The following PLCD1 variants were observed in gnomAD, a reference collection of about 807,000 sequenced individuals.
The protein encoded by PLCD1 is 1-phosphatidylinositol 4,5-bisphosphate phosphodiesterase delta-1.
Under a neutral mutation model 87.4 loss-of-function variants are expected in PLCD1, and 71 were observed. That is an observed-to-expected ratio of 0.81 (90% CI 0.67 to 0.99). The LOEUF (loss-of-function observed/expected upper bound fraction) is 0.99, where lower values mean the gene tolerates loss of function less well. Ranked by LOEUF, PLCD1 falls within the 50% of genes least tolerant of loss-of-function variation. The pLI is 0.00. For synonymous variants in PLCD1, 348 were observed against 399.2 expected (o/e 0.87, Z 1.53); for missense variants, 867 against 1,001.5 (o/e 0.87, Z 1.81).
intron 1 of PLCD1, among the ~76,000 whole-genome samples, chr3:38,022,179 C>T (rs1391733235): frequency 6.6e-6 from 1 of 152,240 alleles, no homozygotes; most frequent in African/African-American, 2.4e-5. Context: ...CAGGTCTGTC[C>T]ACCCACTTGA....
chr3:38,009,110 G>T lies in PLCD1; in HGVS notation c.1655C>A (p.Pro552Gln). The T allele has an allele frequency of 1.2e-6, 2 of 1,614,076 alleles. No homozygotes were observed. The highest frequency in any genetic ancestry group is 2.2e-5 in the South Asian group (2 of 91,060). ...GGAGGAGTCTGTTCTCCATCCAGCCGGGTAGATTCTGCTCAGGTGCCCCAC... is the reference window on the plus strand; with the variant it reads ...GGAGGAGTCTGTTCTCCATCCAGCCTGGTAGATTCTGCTCAGGTGCCCCAC... The part of the protein sequence containing the change: ...HNVGHLSRIY[P>Q]AGWRTDSSNY... Residue 552 changes from proline (P) to glutamine (Q), a missense_variant, in exon 11 of 15, where the codon CCG becomes CAG. Transcript: ENST00000334661.
chr3:38,007,973 G>A lies in PLCD1; in HGVS notation c.2185+41C>T, dbSNP rs771923129. 4 of 1,613,402 alleles carry A rather than the reference G, an allele frequency of 2.5e-6. No homozygotes were observed. In the East Asian group the frequency reaches 6.7e-5, roughly 27 times the overall value. ...CCCAGCCCAAGAGACGCCAGGCCCT[G>A]CTTCCCACCACCTTGGCCATCCCCT... On this transcript the variant is annotated intron_variant, in intron 14 of 14. Transcript: ENST00000334661.
chr3:38,020,303 G>A lies in PLCD1; in HGVS notation c.84C>T (p.Leu28=). 1 of 1,614,042 alleles carries A rather than the reference G, an allele frequency of 6.2e-7. No individual in the cohort carries two copies. The highest frequency in any genetic ancestry group is 8.5e-7 in the Non-Finnish European group (1 of 1,180,004). ...DLQALLKGSQ[L]LKVKSSSWRR... is the part of the protein sequence containing the mutation. ...TCCATGAGCTGGACTTCACCTTCAG[G>A]AGCTGGCTGCCCTTCAGCAGCGCCT... Residue 28 remains leucine (L), a synonymous_variant, in exon 2 of 15, where the codon CTC becomes CTT. Coordinates refer to ENST00000334661, the MANE Select transcript of PLCD1 (RefSeq NM_006225.4).
At chr3:38,015,148 A>G (rs544194919) in intron 3 of PLCD1, among the ~76,000 whole-genome samples, 2 of 152,386 alleles carry the variant, frequency 1.3e-5, no homozygotes, top group South Asian at 2.1e-4. Flanking sequence ...ACGAATGTTA[A>G]TATCAGCATT....
intron 1 of PLCD1, among the ~76,000 whole-genome samples, chr3:38,023,403 T>C (rs1334255913): frequency 1.3e-5 from 2 of 152,144 alleles, no homozygotes; most frequent in African/African-American, 2.4e-5. Flanking sequence ...ATGATGATGA[T>C]AGAGGCTCCC....
chr3:38,010,313 G>T (rs756091327), intron 6 of PLCD1, 38 bp from the exon 7 acceptor site: 1 of 1,614,154 alleles, frequency 6.2e-7, no homozygotes, highest in Admixed American at 1.7e-5. Flanking sequence ...TCCAGGTCCT[G>T]TCCCGGGTCC....
At chr3:38,026,857 A>T (rs187276436) in intron 1 of PLCD1, among the ~76,000 whole-genome samples, 320 of 152,376 alleles carry the variant, frequency 2.1e-3, no homozygotes, top group African/African-American at 7.4e-3. Context: ...TCAGACCCAC[A>T]GTAAGTAGAA....
intron 3 of PLCD1, among the ~76,000 whole-genome samples, chr3:38,014,370 G>A (rs1352497562): frequency 3.9e-5 from 6 of 152,080 alleles, no homozygotes; most frequent in African/African-American, 9.7e-5. Context: ...AGTGGTGCAA[G>A]GACAGACATA....
chr3:38,023,199 G>A (rs1194822107), intron 1 of PLCD1, among the ~76,000 whole-genome samples: 2 of 151,912 alleles, frequency 1.3e-5, no homozygotes, highest in Non-Finnish European at 2.9e-5. Flanking sequence ...GACCCACAGC[G>A]ATACACAGCT....
chr3:38,024,545 C>T, intron 1 of PLCD1: 2 of 1,511,988 alleles, frequency 1.3e-6, no homozygotes, highest in Non-Finnish European at 8.9e-7. Context: ...AACTGTCGCC[C>T]TTGGAGGGGA....
intron 3 of PLCD1, among the ~76,000 whole-genome samples, chr3:38,013,653 ATG>A (rs1700116262): frequency 6.6e-6 from 1 of 152,244 alleles, no homozygotes. Flanking sequence ...TGACTGTATA[ATG>A]TTCCACTGAG....
Position 38,011,362 on chromosome 3 carries a change from G to C in PLCD1, c.642C>G (p.Ile214Met). ...FYKMLTQRVE[I>M]DRTFAEAAGS... ...CCGCGGCCTCGGCGAAGGTGCGGTC[G>C]ATCTCCACCCGCTGGGTCAGCATCT... The change falls in exon 5 of 15, where the codon ATC becomes ATG. Residue 214 changes from isoleucine (I) to methionine (M), a missense_variant. Ile to Met is a conservative substitution (Grantham distance 10, BLOSUM62 1). Coordinates refer to ENST00000334661, the MANE Select transcript of PLCD1 (RefSeq NM_006225.4). The C allele has an allele frequency of 1.2e-6, 2 of 1,613,050 alleles. No homozygotes were observed. The highest frequency in any genetic ancestry group is 1.7e-6 in the Non-Finnish European group (2 of 1,180,032).
chr3:38,012,031 C>CTTTTTTTTT lies in PLCD1; in HGVS notation c.429-367_429-359dup, dbSNP rs763245915. Among the ~76,000 whole-genome samples the CTTTTTTTTT allele has an allele frequency of 3.4e-4, 47 of 137,650 alleles. 1 individual carries two copies. Among genetic ancestry groups the CTTTTTTTTT allele is most frequent in the African/African-American group, 6.3e-4 (23 of 36,308 alleles). 90.3% of individuals were successfully genotyped at this position (137,650 alleles called of 152,430 possible). A position where few individuals can be genotyped will look rare whatever the true frequency, so the allele number is the denominator to read the frequency against. On this transcript the variant is annotated intron_variant, in intron 3 of 14. Coordinates refer to ENST00000334661, the MANE Select transcript of PLCD1 (RefSeq NM_006225.4). ...AGTATATCCTTCTGGTTTTCCTTTT[C>CTTTTTTTTT]TTTTTTTTTTTTTTTTGACAAGATC... is the stretch of plus-strand genomic sequence containing the variant.
intron 1 of PLCD1, among the ~76,000 whole-genome samples, chr3:38,026,728 C>G (rs1249700303): frequency 6.6e-6 from 1 of 152,180 alleles, no homozygotes; most frequent in Non-Finnish European, 1.5e-5. Flanking sequence ...GCTAAGAGCT[C>G]TGGAATCATC....
chr3:38,018,566 G>T lies in PLCD1; in HGVS notation c.199+1622C>A, dbSNP rs916144328. On this transcript the variant is annotated intron_variant, in intron 2 of 14. Coordinates refer to ENST00000334661, the MANE Select transcript of PLCD1 (RefSeq NM_006225.4). This position sits in a 1 kb window ranked among gnomAD's most constrained non-coding sequence, Gnocchi z 5.7. ...TGTGGTTCCTGCGGGGAAAGGCCTG[G>T]GTCTTCCACTCCTCTATCTCCCCTC... Among the ~76,000 whole-genome samples, 2 of 152,060 alleles carry T rather than the reference G, an allele frequency of 1.3e-5. No homozygotes were observed. Among genetic ancestry groups the T allele is most frequent in the African/African-American group, 2.4e-5 (1 of 41,382 alleles).
intron 1 of PLCD1, among the ~76,000 whole-genome samples, chr3:38,027,649 G>C (rs748722232): frequency 6.6e-6 from 1 of 152,150 alleles, no homozygotes; most frequent in Non-Finnish European, 1.5e-5. Context: ...AGAGAGTGTG[G>C]AGCCCTAGGC....
At chr3:38,024,636 G>T in intron 1 of PLCD1, 1 of 1,519,218 alleles carries the variant, frequency 6.6e-7, no homozygotes, top group Non-Finnish European at 8.8e-7. Context: ...GGACGAGAGG[G>T]AAATCTGGGC....
In PLCD1 at chr3:38,007,765, C is replaced by T. The variant is rs532874022; in HGVS notation, c.*8G>A. The T allele has an allele frequency of 6.2e-7, 1 of 1,611,126 alleles. No homozygotes were observed. Among genetic ancestry groups the T allele is most frequent in the East Asian group, 2.2e-5 (1 of 44,832 alleles). On this transcript the variant is annotated 3_prime_UTR_variant, in exon 15 of 15. Coordinates refer to ENST00000334661, the MANE Select transcript of PLCD1 (RefSeq NM_006225.4). ...CACTCAGGGGGGACCCCACTGGCTTCCTCCAGCCTAGTCCTGGAGGGAGAT... is the reference window on the plus strand; with the variant it reads ...CACTCAGGGGGGACCCCACTGGCTTTCTCCAGCCTAGTCCTGGAGGGAGAT...
Position 38,008,081 on chromosome 3 carries a change from A to G in PLCD1, c.2118T>C (p.Asp706=), listed in dbSNP as rs946969107. The change falls in exon 14 of 15, where the codon GAT becomes GAC. Residue 706 remains aspartate, a synonymous_variant. Coordinates refer to ENST00000334661, the MANE Select transcript of PLCD1 (RefSeq NM_006225.4). The part of the protein sequence containing the change: ...DLALIRFLVE[D]YDASSKNDFI... ...AGTCATTCTTGGAGGAGGCATCATA[A>G]TCTTCCACCAAGAAGCGGATGAGGG... The G allele has an allele frequency of 1.1e-5, 17 of 1,614,138 alleles. No individual in the cohort carries two copies. Among genetic ancestry groups the G allele is most frequent in the East Asian group, 6.7e-5 (3 of 44,878 alleles).
Sources: gnomAD v4.1 joint callset for allele counts (sites outside exome capture counted in the v4.1 genomes callset) on GRCh38, gnomAD v4.1.1 for gene constraint, Gnocchi (gnomAD v3.1) non-coding constraint, MANE v1.5 for transcripts, NCBI Gene and HGNC (gene_info 2026-07-23, HGNC 2026-07-21) for gene names.